Variants in SHISA9 observed in about 807,000 individuals in gnomAD.
SHISA9 encodes the protein shisa family member 9, also known as protein shisa-9.
In SHISA9, 13 loss-of-function variants were observed where a neutral mutation model predicts 38.0. That is an observed-to-expected ratio of 0.34 (90% CI 0.22 to 0.54). The LOEUF is 0.54. Among genes scored for constraint, SHISA9 ranks in the 20% least tolerant of loss-of-function variants. SHISA9 has a pLI of 0.91. For missense variants in SHISA9, 538 were observed against 575.8 expected (o/e 0.93, Z 0.67); for synonymous variants, 275 against 242.0 (o/e 1.14, Z -1.27).
chr16:12,959,956 T>G (rs1292326014), intron 2 of SHISA9, among the ~76,000 whole-genome samples: 1 of 152,254 alleles, frequency 6.6e-6, no homozygotes, highest in East Asian at 1.9e-4. Context: ...TAAAATTAGA[T>G]GTTAAAGTGC....
At chr16:13,045,211 A>G (rs1442735299) in intron 2 of SHISA9, among the ~76,000 whole-genome samples, 1 of 152,346 alleles carries the variant, frequency 6.6e-6, no homozygotes, top group East Asian at 1.9e-4. Flanking sequence ...ATAATGGCCA[A>G]ACTTCATCTG....
the SHISA9 span, among the ~76,000 whole-genome samples, chr16:13,460,597 T>A: frequency 1.3e-5 from 2 of 152,172 alleles, no homozygotes. Context: ...CTGTCACATA[T>A]GGATGGATAG....
At chr16:13,422,505 G>C in the SHISA9 span, among the ~76,000 whole-genome samples, 1 of 152,088 alleles carries the variant, frequency 6.6e-6, no homozygotes, top group Non-Finnish European at 1.5e-5. Flanking sequence ...AGACCAGCCC[G>C]GCCAACATGG....
In SHISA9 at chr16:12,908,540, C is replaced by T. The variant is rs878949246; in HGVS notation, c.563+5913C>T. 4.5e-6 allele frequency: 7 copies of T among 1,551,782 alleles called. No individual in the cohort carries two copies. In the Admixed American group the frequency reaches 9.8e-5, roughly 22 times the overall value. On this transcript the variant is annotated intron_variant, in intron 1 of 4. Coordinates refer to ENST00000558583, the MANE Select transcript of SHISA9 (RefSeq NM_001145204.3). ...TTCTTTCCAAGAGGACGAACCTGCCCCTGGAGAGTGGAGTGTCGGACTTCA... is the reference window on the plus strand; with the variant it reads ...TTCTTTCCAAGAGGACGAACCTGCCTCTGGAGAGTGGAGTGTCGGACTTCA...
At chr16:13,444,858 C>T in the SHISA9 span, among the ~76,000 whole-genome samples, 1 of 151,126 alleles carries the variant, frequency 6.6e-6, no homozygotes, top group Non-Finnish European at 1.5e-5. Context: ...TGCTCTGTCA[C>T]CCAGGCTGGA....
chr16:13,392,550 G>A, the SHISA9 span, among the ~76,000 whole-genome samples: 2 of 152,142 alleles, frequency 1.3e-5, no homozygotes, highest in Non-Finnish European at 2.9e-5. Flanking sequence ...TCAGCAGGTG[G>A]CGGCATTACA....
the SHISA9 span, among the ~76,000 whole-genome samples, chr16:13,250,385 G>A: frequency 6.6e-6 from 1 of 152,018 alleles, no homozygotes; most frequent in Non-Finnish European, 1.5e-5. Flanking sequence ...GGGGGGAGAG[G>A]GTCAGAGGTG....
chr16:13,095,356 C>A (rs1269552897), intron 2 of SHISA9, among the ~76,000 whole-genome samples: 1 of 152,192 alleles, frequency 6.6e-6, no homozygotes, highest in Non-Finnish European at 1.5e-5. Flanking sequence ...GTTGGCAGAT[C>A]CCCTGCATTC....
the SHISA9 span, among the ~76,000 whole-genome samples, chr16:13,302,411 G>A: frequency 1.3e-5 from 2 of 152,086 alleles, no homozygotes; most frequent in Non-Finnish European, 2.9e-5. Context: ...AAAGGCAAAC[G>A]ATGCCACCAG....
the SHISA9 span, among the ~76,000 whole-genome samples, chr16:13,483,483 T>C: frequency 6.6e-6 from 1 of 152,148 alleles, no homozygotes; most frequent in African/African-American, 2.4e-5. Context: ...GTTGTGGTGT[T>C]TTGATATATA....
At chr16:13,514,534 C>T in the SHISA9 span, among the ~76,000 whole-genome samples, 1 of 152,008 alleles carries the variant, frequency 6.6e-6, no homozygotes, top group African/African-American at 2.4e-5. Context: ...TATAAAAGAC[C>T]TAACCTGAAC....
At chr16:13,514,180 A>T in the SHISA9 span, among the ~76,000 whole-genome samples, 1 of 152,002 alleles carries the variant, frequency 6.6e-6, no homozygotes, top group Non-Finnish European at 1.5e-5. Context: ...TTTTTAGTAG[A>T]GATGGGGTTT....
chr16:13,345,960 T>TA, the SHISA9 span, among the ~76,000 whole-genome samples: 18 of 152,080 alleles, frequency 1.2e-4, no homozygotes, highest in Non-Finnish European at 1.9e-4. Flanking sequence ...TTTACTCTTG[T>TA]AAAAAAATTT....
At chr16:13,045,532 G>A (rs1000504219) in intron 2 of SHISA9, among the ~76,000 whole-genome samples, 2 of 150,866 alleles carry the variant, frequency 1.3e-5, no homozygotes, top group Admixed American at 6.6e-5. Context: ...GCTTGGCTCT[G>A]TTGAAAACTC....
intron 2 of SHISA9, among the ~76,000 whole-genome samples, chr16:13,038,997 C>T (rs1375017731): frequency 1.3e-5 from 2 of 152,160 alleles, no homozygotes; most frequent in Non-Finnish European, 2.9e-5. Context: ...CAGCCTCCAC[C>T]TCCTGGATTC....
rs2141778433 is a variant in SHISA9, at chr16:12,952,910, T to G, written c.691+36095T>G. 2.0e-5 allele frequency among the ~76,000 whole-genome samples: 3 copies of G among 152,178 alleles called. No homozygotes were observed. The Middle Eastern group carries it at 0.01, about 518-fold the overall frequency. On this transcript the variant is annotated intron_variant, in intron 2 of 4. Transcript: ENST00000558583. Reference sequence around the variant, plus strand: ...CTGCCCCCTCTTCCTTTCACAAATGTTTATTGAACACCTACTATGTACTGA... The same window carrying G: ...CTGCCCCCTCTTCCTTTCACAAATGGTTATTGAACACCTACTATGTACTGA...
intron 2 of SHISA9, among the ~76,000 whole-genome samples, chr16:13,169,588 GA>G (rs1392929285): frequency 6.6e-6 from 1 of 152,162 alleles, no homozygotes; most frequent in Non-Finnish European, 1.5e-5. Context: ...AAGAATTTAT[GA>G]AAAACACTAG....
chr16:13,169,916 G>A (rs566493982), intron 2 of SHISA9, among the ~76,000 whole-genome samples: 157 of 152,158 alleles, frequency 1.0e-3, no homozygotes, highest in African/African-American at 3.3e-3. Context: ...TAAAATACAT[G>A]TTCAGGCCGG....
At chr16:13,263,335 G>A in the SHISA9 span, among the ~76,000 whole-genome samples, 3 of 152,178 alleles carry the variant, frequency 2.0e-5, no homozygotes, top group African/African-American at 7.2e-5. Flanking sequence ...TGGAGGTGGG[G>A]CCTGGTGGGA....
Sources: gnomAD v4.1 joint callset for allele counts (sites outside exome capture counted in the v4.1 genomes callset) on GRCh38, gnomAD v4.1.1 for gene constraint, MANE v1.5 for transcripts, NCBI Gene and HGNC (gene_info 2026-07-23, HGNC 2026-07-21) for gene names.